Variants in ANK2 observed in about 807,000 individuals in gnomAD.
ANK2 encodes the protein ankyrin-2.
Under a neutral mutation model 360.5 loss-of-function variants are expected in ANK2, and 83 were observed. That is an observed-to-expected ratio of 0.23 (90% CI 0.19 to 0.28). ANK2 has a LOEUF of 0.28. Among genes scored for constraint, ANK2 ranks in the 10% least tolerant of loss-of-function variants. ANK2 has a pLI of 1.00. For synonymous variants in ANK2, 1,740 were observed against 1,759.5 expected (o/e 0.99, Z 0.28); for missense variants, 4,201 against 4,795.7 (o/e 0.88, Z 3.66).
At chr4:113,129,497 T>C (rs2095873710) in intron 1 of ANK2, among the ~76,000 whole-genome samples, 1 of 152,212 alleles carries the variant, frequency 6.6e-6, no homozygotes, top group Non-Finnish European at 1.5e-5. Flanking sequence ...GTGTTTATTC[T>C]AAAGATAAAA....
At chr4:112,764,906 A>G in the ANK2 span, among the ~76,000 whole-genome samples, 36 of 151,740 alleles carry the variant, frequency 2.4e-4, no homozygotes, top group African/African-American at 8.2e-4. Context: ...GAGTTTCTCC[A>G]TGTTGGTCAG....
At chr4:112,742,181 CT>C in the ANK2 span, among the ~76,000 whole-genome samples, 10 of 152,064 alleles carry the variant, frequency 6.6e-5, no homozygotes, top group African/African-American at 2.4e-4. Context: ...ACTTGGGAGG[CT>C]GAGGCAGGAG....
At chr4:113,363,128 T>C (rs1258262355) in intron 39 of ANK2, among the ~76,000 whole-genome samples, 1 of 152,208 alleles carries the variant, frequency 6.6e-6, no homozygotes, top group Non-Finnish European at 1.5e-5. Flanking sequence ...TATGCAGTGA[T>C]AAATTCTATA....
chr4:113,343,190 C>A (rs762214563), intron 34 of ANK2, 48 bp downstream of exon 34: 2 of 1,592,256 alleles, frequency 1.3e-6, no homozygotes, highest in Admixed American at 3.4e-5. Flanking sequence ...AAGATCAAGG[C>A]AGAATTTGAC....
At chr4:113,047,074 T>C (rs1416387222), upstream of ANK2, among the ~76,000 whole-genome samples, 1 of 152,196 alleles carries the variant, frequency 6.6e-6, no homozygotes, top group Non-Finnish European at 1.5e-5. Flanking sequence ...CGACAAAGGT[T>C]TTCCATTTTG....
At chr4:113,261,615 C>T (rs1217175335) in intron 13 of ANK2, among the ~76,000 whole-genome samples, 2 of 152,138 alleles carry the variant, frequency 1.3e-5, no homozygotes, top group African/African-American at 4.8e-5. Context: ...CTAATAAGGG[C>T]AACTTACAGT....
intron 1 of ANK2, among the ~76,000 whole-genome samples, chr4:112,841,922 A>G (rs551284042): frequency 2.3e-3 from 358 of 152,376 alleles, no homozygotes; most frequent in Non-Finnish European, 3.9e-3. Flanking sequence ...CCCATTAAAA[A>G]TAATATGTGC....
chr4:113,350,106 CT>C, intron 36 of ANK2, 121 bp from the exon 37 acceptor site: 8 of 827,484 alleles, frequency 9.7e-6, no homozygotes, highest in Non-Finnish European at 1.5e-5. Flanking sequence ...TTACTCTGAC[CT>C]TCCTATAGCT....
intron 1 of ANK2, among the ~76,000 whole-genome samples, chr4:113,081,611 C>T (rs2082422154): frequency 6.6e-6 from 1 of 152,112 alleles, no homozygotes; most frequent in African/African-American, 2.4e-5. Flanking sequence ...TTAGCAGACT[C>T]TTGCCTTGTT....
intron 1 of ANK2, among the ~76,000 whole-genome samples, chr4:112,876,147 C>T (rs1217718101): frequency 6.6e-6 from 1 of 151,956 alleles, no homozygotes; most frequent in African/African-American, 2.4e-5. Flanking sequence ...GTTTTCAATG[C>T]TTTTATTCAG....
intron 18 of ANK2, among the ~76,000 whole-genome samples, chr4:113,286,518 G>A (rs1419332305): frequency 6.6e-6 from 1 of 152,204 alleles, no homozygotes; most frequent in South Asian, 2.1e-4. Context: ...CATGGCTGGA[G>A]ATCATGAATT....
chr4:113,028,177 T>G (rs1242537772), intron 2 of ANK2, among the ~76,000 whole-genome samples: 1 of 151,984 alleles, frequency 6.6e-6, no homozygotes, highest in Non-Finnish European at 1.5e-5. Context: ...GTGCAGCAAG[T>G]GCCATAAAAT....
chr4:113,000,630 T>C (rs1297870994), intron 2 of ANK2, among the ~76,000 whole-genome samples: 2 of 152,144 alleles, frequency 1.3e-5, no homozygotes, highest in Non-Finnish European at 2.9e-5. Context: ...TGAAAAAAAT[T>C]ATGAGTTTAG....
chr4:113,228,566 A>G (rs1274092379), intron 4 of ANK2, among the ~76,000 whole-genome samples: 1 of 152,112 alleles, frequency 6.6e-6, no homozygotes, highest in Non-Finnish European at 1.5e-5. Context: ...ACGTACCACA[A>G]TTTCTTTAAC....
intron 2 of ANK2, among the ~76,000 whole-genome samples, chr4:112,973,864 A>G (rs1381461399): frequency 6.6e-6 from 1 of 152,224 alleles, no homozygotes; most frequent in East Asian, 1.9e-4. Flanking sequence ...CTGACTGGAT[A>G]GATGGCGGAA....
intron 9 of ANK2, among the ~76,000 whole-genome samples, chr4:113,243,000 T>TAGGTA (rs1235084868): frequency 2.0e-5 from 3 of 152,166 alleles, no homozygotes; most frequent in Non-Finnish European, 4.4e-5. Flanking sequence ...GGTATATTAT[T>TAGGTA]TACCATTTTT....
chr4:113,250,757 C>CCA lies in ANK2; in HGVS notation c.990+896_990+897insAC, dbSNP rs1409447290. Among the ~76,000 whole-genome samples, 42 of 123,276 alleles carry CCA rather than the reference C, an allele frequency of 3.4e-4. 7 individuals carry two copies. The highest frequency in any genetic ancestry group is 8.6e-4 in the African/African-American group (29 of 33,624). The allele number at this position is 123,276 out of a possible 152,430, so 80.9% of individuals were successfully genotyped here. On this transcript the variant is annotated intron_variant, in intron 10 of 45. Coordinates refer to ENST00000357077, the MANE Select transcript of ANK2 (RefSeq NM_001148.6). ...ATTCCATTCCACCTCATACCACCGCCCCCCCCCCCGACAGAGTTGGTATCA... is the reference window on the plus strand; with the variant it reads ...ATTCCATTCCACCTCATACCACCGCCCACCCCCCCCCGACAGAGTTGGTATCA...
At chr4:113,271,281 C>T (rs891545429) in intron 14 of ANK2, among the ~76,000 whole-genome samples, 8 of 152,300 alleles carry the variant, frequency 5.3e-5, no homozygotes, top group African/African-American at 1.7e-4. Context: ...CGCATTCATG[C>T]GGCCCATTTA....
chr4:112,896,945 A>G (rs1048528176), intron 1 of ANK2, among the ~76,000 whole-genome samples: 1 of 151,216 alleles, frequency 6.6e-6, no homozygotes, highest in African/African-American at 2.4e-5. Context: ...ATACGCCAAT[A>G]AAGTGAAGCC....
Sources: allele counts gnomAD v4.1 joint callset (sites outside exome capture counted in the v4.1 genomes callset), GRCh38; gene constraint gnomAD v4.1.1; transcripts MANE v1.5; gene names NCBI Gene and HGNC (gene_info 2026-07-23, HGNC 2026-07-21).